Variants in TANGO6 observed in about 807,000 individuals in gnomAD.
TANGO6 encodes the protein transport and golgi organization 6 homolog.
A neutral mutation model predicts 114.2 loss-of-function variants in TANGO6; 90 were observed. The ratio of observed to expected loss-of-function variants is 0.79; its 90% CI spans 0.66 to 0.94. The LOEUF is 0.94. Ranked by LOEUF, TANGO6 falls within the 40% of genes least tolerant of loss-of-function variation. TANGO6 has a pLI of 0.00. For missense variants in TANGO6, 1,274 were observed against 1,315.3 expected (o/e 0.97, Z 0.49); for synonymous variants, 477 against 509.8 (o/e 0.94, Z 0.87).
intron 17 of TANGO6, among the ~76,000 whole-genome samples, chr16:69,063,643 CAAAAAAAAAAAAAAAA>C (rs770332921): frequency 2.0e-4 from 7 of 35,784 alleles, no homozygotes; most frequent in African/African-American, 6.1e-4. Context: ...ACTCCATCTC[CAAAAAAAAAAAAAAAA>C]AAAAAAAAAA....
At chr16:68,863,088 G>C in intron 3 of TANGO6, 27 bp downstream of exon 3, 1 of 1,356,616 alleles carries the variant, frequency 7.4e-7, no homozygotes, top group South Asian at 1.5e-5. Flanking sequence ...ACTCTTGGGG[G>C]TGACTCATTA....
At chr16:69,068,018 G>C (rs1335179637) in intron 17 of TANGO6, among the ~76,000 whole-genome samples, 3 of 150,876 alleles carry the variant, frequency 2.0e-5, no homozygotes, top group Admixed American at 1.3e-4. Flanking sequence ...GCACATGCCT[G>C]TAGTCCCAGC....
At chr16:68,968,921 C>T (rs1963676324) in intron 14 of TANGO6, among the ~76,000 whole-genome samples, 1 of 152,046 alleles carries the variant, frequency 6.6e-6, no homozygotes, top group Non-Finnish European at 1.5e-5. Context: ...CCGCCCGCCT[C>T]GGCCTCCCAA....
intron 17 of TANGO6, among the ~76,000 whole-genome samples, chr16:69,048,683 A>G (rs1959900216): frequency 6.6e-6 from 1 of 152,186 alleles, no homozygotes; most frequent in Non-Finnish European, 1.5e-5. Flanking sequence ...GTTCACCATT[A>G]ATACTGGAGA....
intron 7 of TANGO6, among the ~76,000 whole-genome samples, chr16:68,890,485 T>C (rs1962597468): frequency 6.6e-6 from 1 of 152,236 alleles, no homozygotes; most frequent in Non-Finnish European, 1.5e-5. Context: ...ACAAAATTCA[T>C]ATCCAAGTTT....
intron 13 of TANGO6, among the ~76,000 whole-genome samples, chr16:68,929,331 C>T (rs971202457): frequency 6.6e-6 from 1 of 152,158 alleles, no homozygotes; most frequent in Non-Finnish European, 1.5e-5. Context: ...CAAGTCCTGT[C>T]AATTCTTTTT....
intron 14 of TANGO6, among the ~76,000 whole-genome samples, chr16:68,972,565 C>A (rs1174003109): frequency 6.6e-6 from 1 of 152,114 alleles, no homozygotes; most frequent in Non-Finnish European, 1.5e-5. Context: ...TTTACTCATC[C>A]ATCCATTCAT....
At chr16:69,020,431 A>C (rs914608740) in intron 15 of TANGO6, among the ~76,000 whole-genome samples, 2 of 152,232 alleles carry the variant, frequency 1.3e-5, no homozygotes, top group African/African-American at 4.8e-5. Context: ...ACATTTAGGA[A>C]CCAAGGCACG....
chr16:69,044,275 A>G (rs1419545860), intron 17 of TANGO6, among the ~76,000 whole-genome samples: 3 of 152,142 alleles, frequency 2.0e-5, no homozygotes, highest in Non-Finnish European at 4.4e-5. Context: ...ATATTGGCCA[A>G]GTTGGTCTCG....
chr16:68,974,282 G>A, intron 15 of TANGO6, 114 bp downstream of exon 15: 1 of 1,214,110 alleles, frequency 8.2e-7, no homozygotes. Flanking sequence ...GTAGTTTGAG[G>A]GCTGGGATGT....
chr16:69,030,621 C>T (rs1217937904), intron 16 of TANGO6, among the ~76,000 whole-genome samples: 1 of 151,990 alleles, frequency 6.6e-6, no homozygotes, highest in Non-Finnish European at 1.5e-5. Flanking sequence ...TCCTGGCTCA[C>T]AGCAAGAATC....
At chr16:68,859,067 C>T (rs1231264337) in intron 1 of TANGO6, among the ~76,000 whole-genome samples, 3 of 152,038 alleles carry the variant, frequency 2.0e-5, no homozygotes, top group Non-Finnish European at 2.9e-5. Context: ...TGGGGGGAAA[C>T]GATGTGGTTA....
In TANGO6 at chr16:68,929,985, G is replaced by C. The variant is rs115577434; in HGVS notation, c.2644-253G>C. Among the ~76,000 whole-genome samples, 477 of 152,272 alleles carry C rather than the reference G, an allele frequency of 3.1e-3. 3 individuals are homozygous for C. Among genetic ancestry groups the C allele is most frequent in the African/African-American group, 0.011 (461 of 41,536 alleles). On this transcript the variant is annotated intron_variant, in intron 13 of 17. Coordinates refer to ENST00000261778, the MANE Select transcript of TANGO6 (RefSeq NM_024562.2). Reference sequence around the variant, plus strand: ...CTGTCATGGAAAAATGTTGAGGATTGTTCTTCCATCGGTTTCCAGGACTAC... The same window carrying C: ...CTGTCATGGAAAAATGTTGAGGATTCTTCTTCCATCGGTTTCCAGGACTAC...
intron 7 of TANGO6, among the ~76,000 whole-genome samples, chr16:68,887,051 A>G (rs1393236353): frequency 2.6e-5 from 4 of 151,504 alleles, no homozygotes; most frequent in Non-Finnish European, 5.9e-5. Context: ...CAGGTGATCC[A>G]CCTGCCTCAG....
chr16:69,022,448 A>T (rs1959424336), intron 15 of TANGO6, among the ~76,000 whole-genome samples: 1 of 152,180 alleles, frequency 6.6e-6, no homozygotes, highest in South Asian at 2.1e-4. Flanking sequence ...TCACTCCTGT[A>T]ATCCCAGCAC....
intron 14 of TANGO6, among the ~76,000 whole-genome samples, chr16:68,961,259 G>A (rs1963587159): frequency 6.6e-6 from 1 of 152,220 alleles, no homozygotes; most frequent in Non-Finnish European, 1.5e-5. Context: ...TGCAAAGCTA[G>A]TATGATTCCG....
chr16:68,877,226 T>C (rs1962378534), intron 5 of TANGO6, among the ~76,000 whole-genome samples: 1 of 152,088 alleles, frequency 6.6e-6, no homozygotes, highest in Non-Finnish European at 1.5e-5. Flanking sequence ...TCCCAGCACT[T>C]TGGGAGGCTG....
rs1447802240 is a variant in TANGO6, at chr16:68,909,542, A to G, written c.1992+140A>G. ...AATGCTGGTTAAATATGGAAACTAC[A>G]CAGCCCACACCAGGCCACTGAATCC... On this transcript the variant is annotated intron_variant, in intron 11 of 17. Coordinates refer to ENST00000261778, the MANE Select transcript of TANGO6 (RefSeq NM_024562.2). The G allele has an allele frequency of 5.2e-6, 4 of 774,130 alleles. No homozygotes were observed. The East Asian group carries it at 9.7e-5, about 19-fold the overall frequency. The allele number at this position is 774,130 out of a possible 1,614,324, so 48.0% of individuals were successfully genotyped here. A position where few individuals can be genotyped will look rare whatever the true frequency, so the allele number is the denominator to read the frequency against.
At chr16:68,917,401 A>G (rs746844494) in intron 11 of TANGO6, among the ~76,000 whole-genome samples, 13 of 152,120 alleles carry the variant, frequency 8.5e-5, no homozygotes, top group Non-Finnish European at 1.2e-4. Flanking sequence ...TAAGTTTTCA[A>G]CTCATTTGGA....
Sources: gnomAD v4.1 joint callset for allele counts (sites outside exome capture counted in the v4.1 genomes callset) on GRCh38, gnomAD v4.1.1 for gene constraint, MANE v1.5 for transcripts, NCBI Gene and HGNC (gene_info 2026-07-23, HGNC 2026-07-21) for gene names.